The following IGSF5 variants were observed in gnomAD, a reference collection of about 807,000 sequenced individuals.
IGSF5 encodes immunoglobulin superfamily 5 like.
In IGSF5, 41 loss-of-function variants were observed where a neutral mutation model predicts 39.4. The observed-to-expected ratio is 1.04, with a 90% CI of 0.81 to 1.35. The LOEUF (loss-of-function observed/expected upper bound fraction) is 1.35, where lower values mean the gene tolerates loss of function less well. IGSF5 is among the 40% of genes most tolerant of loss of function. IGSF5 has a pLI of 0.00. For synonymous variants in IGSF5, 183 were observed against 175.3 expected, an observed-to-expected ratio of 1.04 and a Z score of -0.34; for missense variants, 487 against 494.6, an observed-to-expected ratio of 0.98 and a Z score of 0.15.
chr21:39,796,628 G>A (rs2086997519), intron 8 of IGSF5, among the ~76,000 whole-genome samples: 1 of 152,146 alleles, frequency 6.6e-6, no homozygotes, highest in African/African-American at 2.4e-5. Flanking sequence ...GCGCACACAG[G>A]CCTCCCAGGC....
chr21:39,733,155 C>T, the IGSF5 span, among the ~76,000 whole-genome samples: 1 of 152,062 alleles, frequency 6.6e-6, no homozygotes, highest in African/African-American at 2.4e-5. Flanking sequence ...AAATTCATCT[C>T]AGTATTATTT....
At chr21:39,734,972 T>C in the IGSF5 span, among the ~76,000 whole-genome samples, 1 of 152,102 alleles carries the variant, frequency 6.6e-6, no homozygotes, top group South Asian at 2.1e-4. Flanking sequence ...CAAGCGATTC[T>C]CCTGCTTCAG....
chr21:39,762,883 T>A (rs1077589), intron 2 of IGSF5, among the ~76,000 whole-genome samples: 122,782 of 152,014 alleles, frequency 0.81, 49,766 homozygotes, highest in Admixed American at 0.85. Context: ...GTGACAACCA[T>A]AGCTAGTGGC....
chr21:39,745,568 G>T (rs1337134612), intron 1 of IGSF5, 42 bp downstream of exon 1: 1 of 715,910 alleles, frequency 1.4e-6, no homozygotes, highest in Non-Finnish European at 2.6e-6. Flanking sequence ...AGAGACTTCT[G>T]GCTGAGCCAT....
At chr21:39,761,601 C>T (rs2080061924) in intron 2 of IGSF5, among the ~76,000 whole-genome samples, 1 of 152,188 alleles carries the variant, frequency 6.6e-6, no homozygotes. Flanking sequence ...GGGCAAAGGA[C>T]ATGAACAGAT....
chr21:39,751,983 T>C (rs2080007936), intron 2 of IGSF5, among the ~76,000 whole-genome samples: 1 of 151,628 alleles, frequency 6.6e-6, no homozygotes, highest in Admixed American at 6.6e-5. Context: ...CCTTGCGTGG[T>C]TTTTGTTACA....
intron 3 of IGSF5, among the ~76,000 whole-genome samples, chr21:39,770,548 C>T (rs1238354027): frequency 1.3e-5 from 2 of 152,162 alleles, no homozygotes; most frequent in South Asian, 2.1e-4. Flanking sequence ...TTTGCTCCCT[C>T]GACAGCCCAA....
chr21:39,765,183 C>G (rs1302071192), intron 2 of IGSF5, among the ~76,000 whole-genome samples: 1 of 152,174 alleles, frequency 6.6e-6, no homozygotes, highest in East Asian at 1.9e-4. Flanking sequence ...AGGGCCCATT[C>G]TAAACCCAGG....
chr21:39,716,731 CT>C, the IGSF5 span, among the ~76,000 whole-genome samples: 1 of 152,178 alleles, frequency 6.6e-6, no homozygotes, highest in Non-Finnish European at 1.5e-5. Flanking sequence ...ACCACATTTT[CT>C]TTATCCAGTC....
chr21:39,731,412 T>C, the IGSF5 span, among the ~76,000 whole-genome samples: 1 of 152,214 alleles, frequency 6.6e-6, no homozygotes. Context: ...TCCTTCCATA[T>C]TCCCTTCTCT....
chr21:39,780,368 G>A (rs2080164201), intron 5 of IGSF5, among the ~76,000 whole-genome samples: 2 of 152,134 alleles, frequency 1.3e-5, no homozygotes, highest in African/African-American at 4.8e-5. Context: ...AGATCTTCAT[G>A]CTCTTGAAAA....
intron 3 of IGSF5, among the ~76,000 whole-genome samples, chr21:39,769,467 C>CAAAAAAA (rs34427585): frequency 6.0e-4 from 48 of 79,752 alleles, no homozygotes; most frequent in Middle Eastern, 7.2e-3. Flanking sequence ...AAGTCTGTCT[C>CAAAAAAA]AAAAAAAAAA....
chr21:39,738,386 G>T, the IGSF5 span, among the ~76,000 whole-genome samples: 1 of 152,132 alleles, frequency 6.6e-6, no homozygotes, highest in South Asian at 2.1e-4. The surrounding 1 kb of genome is among the most constrained non-coding windows in gnomAD (Gnocchi z 6.4). Flanking sequence ...CTCCCTCTGG[G>T]TCCTTCCCAC....
In IGSF5 at chr21:39,745,337, T is replaced by C. The variant is rs116712727; in HGVS notation, c.-173T>C. ...CTCCCTGGGCTATAGCCTAGGTGCC[T>C]GAGGACGCAGCGTAGGGCTTCCTTA... On this transcript the variant is annotated 5_prime_UTR_variant, in exon 1 of 9. Transcript: ENST00000380588. 11,373 of 531,876 alleles carry C rather than the reference T, an allele frequency of 0.021. 1,018 individuals carry two copies. Among genetic ancestry groups the C allele is most frequent in the African/African-American group, 0.19 (10,051 of 51,656 alleles). 32.9% of individuals were successfully genotyped at this position (531,876 alleles called of 1,614,324 possible).
chr21:39,724,210 T>C, the IGSF5 span, among the ~76,000 whole-genome samples: 1 of 152,246 alleles, frequency 6.6e-6, no homozygotes, highest in Non-Finnish European at 1.5e-5. Context: ...ATATTTTCAC[T>C]TATTCCTCTT....
At chr21:39,774,312 T>C (rs992031985) in intron 4 of IGSF5, among the ~76,000 whole-genome samples, 1 of 152,204 alleles carries the variant, frequency 6.6e-6, no homozygotes, top group African/African-American at 2.4e-5. Context: ...GCTGTGCCCA[T>C]TCAGGCTTCT....
At chr21:39,743,008 C>G (rs2079954657), upstream of IGSF5, among the ~76,000 whole-genome samples, 1 of 152,190 alleles carries the variant, frequency 6.6e-6, no homozygotes, top group Non-Finnish European at 1.5e-5. Context: ...CTCAATGCCT[C>G]CCTTAGTCTC....
At chr21:39,725,400 G>A in the IGSF5 span, among the ~76,000 whole-genome samples, 1 of 152,194 alleles carries the variant, frequency 6.6e-6, no homozygotes, top group Admixed American at 6.6e-5. Context: ...TCTGTGTGAA[G>A]TCAAGCCCAT....
intron 6 of IGSF5, 38 bp downstream of exon 6, chr21:39,788,226 CA>C (rs757074435): frequency 4.4e-5 from 65 of 1,465,094 alleles, no homozygotes; most frequent in Admixed American, 5.5e-5. Context: ...GAAAACAAAA[CA>C]AAAAAAATTG....
Sources: gnomAD v4.1 joint callset for allele counts (sites outside exome capture counted in the v4.1 genomes callset) on GRCh38, gnomAD v4.1.1 for gene constraint, Gnocchi (gnomAD v3.1) non-coding constraint, MANE v1.5 for transcripts, NCBI Gene and HGNC (gene_info 2026-07-23, HGNC 2026-07-21) for gene names.